The following NRXN3 variants were observed in gnomAD, a reference collection of about 807,000 sequenced individuals.
NRXN3 encodes neurexin 3, also known as neurexin III.
Under a neutral mutation model 137.6 loss-of-function variants are expected in NRXN3, and 32 were observed. The observed-to-expected ratio is 0.23, with a 90% confidence interval of 0.18 to 0.31. The LOEUF (loss-of-function observed/expected upper bound fraction) is 0.31, where lower values mean the gene tolerates loss of function less well. NRXN3 is among the 10% of genes least tolerant of loss of function. The pLI is 1.00. For synonymous variants in NRXN3, 798 were observed against 784.5 expected (o/e 1.02, Z -0.29); for missense variants, 1,574 against 2,062.5 (o/e 0.76, Z 4.59).
At chr14:78,534,992 C>A (rs2096519549) in intron 4 of NRXN3, among the ~76,000 whole-genome samples, 1 of 152,140 alleles carries the variant, frequency 6.6e-6, no homozygotes, top group African/African-American at 2.4e-5. Flanking sequence ...CAAACAAGGA[C>A]AGACCTGATT....
At chr14:79,738,315 CCACACACACA>C (rs10539564) in intron 19 of NRXN3, among the ~76,000 whole-genome samples, 10 of 138,052 alleles carry the variant, frequency 7.2e-5, no homozygotes, top group East Asian at 4.4e-4. Flanking sequence ...ATTTCCCCCG[CCACACACACA>C]CACACACACA....
Position 79,134,986 on chromosome 14 carries a change from T to C in NRXN3, c.3262+146845T>C, listed in dbSNP as rs184979805. Among the ~76,000 whole-genome samples the C allele has an allele frequency of 7.1e-4, 108 of 152,360 alleles. 2 individuals carry two copies. Among genetic ancestry groups the C allele is most frequent in the Non-Finnish European group, 2.5e-4 (17 of 68,040 alleles). The stretch of plus-strand genomic sequence containing the variant: ...CAAGGTTAGAACTAATATAAAACTA[T>C]TTCCTTTAGAATGCTTAGTGAATAT... On this transcript the variant is annotated intron_variant, in intron 15 of 20. Coordinates refer to ENST00000335750, the MANE Select transcript of NRXN3 (RefSeq NM_001330195.2).
At chr14:79,279,948 C>T (rs1192367069) in intron 15 of NRXN3, 2 of 1,110,464 alleles carry the variant, frequency 1.8e-6, no homozygotes, top group Non-Finnish European at 2.2e-6. Context: ...TCATCAGACT[C>T]GAAGTGCCTA....
At chr14:79,049,035 A>T (rs2099637451) in intron 15 of NRXN3, among the ~76,000 whole-genome samples, 2 of 3,556 alleles carry the variant, frequency 5.6e-4, no homozygotes, top group African/African-American at 1.8e-3. Context: ...AAAAAAAAAA[A>T]AAAAAAAAAA....
At chr14:78,757,007 G>T (rs2098671510) in intron 8 of NRXN3, among the ~76,000 whole-genome samples, 1 of 152,150 alleles carries the variant, frequency 6.6e-6, no homozygotes, top group Non-Finnish European at 1.5e-5. Context: ...AACTAGCTTT[G>T]CAATCTCAGC....
intron 14 of NRXN3, among the ~76,000 whole-genome samples, chr14:78,977,196 C>G (rs1416210652): frequency 6.6e-6 from 1 of 152,102 alleles, no homozygotes; most frequent in Non-Finnish European, 1.5e-5. Context: ...TGGTGTGAGT[C>G]TGGGTTTGCT....
At chr14:78,676,109 T>C (rs1451899815) in intron 6 of NRXN3, among the ~76,000 whole-genome samples, 1 of 152,120 alleles carries the variant, frequency 6.6e-6, no homozygotes, top group Non-Finnish European at 1.5e-5. Context: ...ACAATAATAT[T>C]GACATTAGGC....
chr14:78,952,296 A>G (rs1189209959), intron 10 of NRXN3, among the ~76,000 whole-genome samples: 1 of 152,254 alleles, frequency 6.6e-6, no homozygotes, highest in Non-Finnish European at 1.5e-5. Flanking sequence ...AACAAAACAA[A>G]CAAAACACCT....
intron 15 of NRXN3, chr14:79,072,361 G>C (rs951965041): frequency 4.6e-5 from 7 of 152,168 alleles, no homozygotes; most frequent in Admixed American, 1.3e-4. Flanking sequence ...GTTAACAGTG[G>C]TGTCCTGATT....
At chr14:79,650,872 C>A (rs1306100017) in intron 16 of NRXN3, among the ~76,000 whole-genome samples, 1 of 152,146 alleles carries the variant, frequency 6.6e-6, no homozygotes, top group African/African-American at 2.4e-5. Flanking sequence ...ACAGCCAACT[C>A]ATGGTGGTCC....
intron 4 of NRXN3, among the ~76,000 whole-genome samples, chr14:78,494,212 A>G (rs552513396): frequency 6.6e-6 from 1 of 152,302 alleles, no homozygotes; most frequent in African/African-American, 2.4e-5. Context: ...AGCTGTTGCT[A>G]TGTAAAATAT....
intron 6 of NRXN3, among the ~76,000 whole-genome samples, chr14:78,671,503 A>G (rs1429229846): frequency 6.6e-6 from 1 of 152,208 alleles, no homozygotes; most frequent in Non-Finnish European, 1.5e-5. Flanking sequence ...TTGTACCCCA[A>G]ACATCAGCAT....
intron 10 of NRXN3, among the ~76,000 whole-genome samples, chr14:78,825,301 T>C (rs1158607663): frequency 1.3e-5 from 2 of 151,500 alleles, no homozygotes; most frequent in Non-Finnish European, 2.9e-5. Context: ...CTTAAAGAGA[T>C]TGAAGATGAT....
intron 15 of NRXN3, among the ~76,000 whole-genome samples, chr14:79,140,366 A>G (rs2058674012): frequency 6.6e-6 from 1 of 152,158 alleles, no homozygotes; most frequent in Non-Finnish European, 1.5e-5. Context: ...TTTTGAAAAC[A>G]TGGCCTTTTT....
intron 4 of NRXN3, among the ~76,000 whole-genome samples, chr14:78,396,970 C>T (rs1007031606): frequency 6.6e-6 from 1 of 152,104 alleles, no homozygotes; most frequent in African/African-American, 2.4e-5. Context: ...CTTCCTCTTC[C>T]TATAAGGCTA....
At chr14:79,192,728 A>G (rs1159491112) in intron 15 of NRXN3, among the ~76,000 whole-genome samples, 2 of 151,540 alleles carry the variant, frequency 1.3e-5, no homozygotes, top group African/African-American at 4.8e-5. Flanking sequence ...ACACTCTCAG[A>G]GAAGCAATAT....
chr14:78,484,891 A>G (rs2095537508), intron 4 of NRXN3, among the ~76,000 whole-genome samples: 1 of 152,242 alleles, frequency 6.6e-6, no homozygotes, highest in Non-Finnish European at 1.5e-5. Flanking sequence ...TAAATGAAGC[A>G]TGAGACACTT....
At chr14:78,299,564 G>A (rs902034128) in intron 4 of NRXN3, among the ~76,000 whole-genome samples, 40 of 152,066 alleles carry the variant, frequency 2.6e-4, no homozygotes, top group Middle Eastern at 3.4e-3. Flanking sequence ...AGCTTTTATA[G>A]TGGCTTGGAG....
chr14:79,445,013 A>G (rs952043376), intron 15 of NRXN3, among the ~76,000 whole-genome samples: 2 of 152,156 alleles, frequency 1.3e-5, no homozygotes, highest in Non-Finnish European at 2.9e-5. Flanking sequence ...TGAGAAATCA[A>G]CAGATCTTAT....
Sources: allele counts gnomAD v4.1 joint callset (sites outside exome capture counted in the v4.1 genomes callset), GRCh38; gene constraint gnomAD v4.1.1; transcripts MANE v1.5; gene names NCBI Gene and HGNC (gene_info 2026-07-23, HGNC 2026-07-21).